PPP1R3F: variants seen among roughly 807,000 people sequenced by gnomAD.
PPP1R3F encodes protein phosphatase 1, regulatory (inhibitor) subunit 3F.
In PPP1R3F, 29 loss-of-function variants were observed where a neutral mutation model predicts 24.2. The observed-to-expected ratio is 1.20, with a 90% CI of 0.89 to 1.63. The LOEUF (loss-of-function observed/expected upper bound fraction) is 1.63, where lower values mean the gene tolerates loss of function less well. PPP1R3F is among the 40% of genes most tolerant of loss of function. The probability of loss-of-function intolerance (pLI) is 0.00; values close to 1 mark genes in which losing one functional copy is unlikely to be tolerated. For missense variants in PPP1R3F, 823 were observed against 729.3 expected (o/e 1.13, Z -1.48); for synonymous variants, 363 against 340.1 (o/e 1.07, Z -0.74).
chrX:49,286,191 G>A lies in PPP1R3F; in HGVS notation c.1501G>A (p.Ala501Thr). ...CCTGTCTCACCTGAGCCGCCTACGG[G>A]CTGCTGTGGCTGCGGGTGGGGCAGG... ...LYLSHLSRLR[A>T]AVAAGGAGGG... The change falls in exon 4 of 4, where the codon GCT becomes ACT. Residue 501 changes from alanine to threonine, a missense_variant. By Grantham distance (58) the Ala-to-Thr change is moderately conservative. Coordinates refer to ENST00000055335, the MANE Select transcript of PPP1R3F (RefSeq NM_033215.5). The A allele has an allele frequency of 8.3e-7, 1 of 1,202,879 alleles. No individual in the cohort carries two copies. Among genetic ancestry groups the A allele is most frequent in the Non-Finnish European group, 1.1e-6 (1 of 891,268 alleles).
chrX:49,295,558 AT>A (rs201183897), intron 3 of PPP1R3F, among the ~76,000 whole-genome samples: 2 of 107,206 alleles, frequency 1.9e-5, no homozygotes, highest in African/African-American at 3.4e-5. Context: ...TATGTTGAGG[AT>A]TTTTTTTTCA....
rs1415514852 is a variant in PPP1R3F at position 49,300,486 on chromosome X, T to TG, written c.393-865_393-864insG. Among the ~76,000 whole-genome samples, 9 of 30,554 alleles carry TG rather than the reference T, an allele frequency of 2.9e-4. No homozygotes were observed. The East Asian group carries it at 7.9e-3, about 27-fold the overall frequency. 26.5% of individuals were successfully genotyped at this position (30,554 alleles called of 115,157 possible). ...TCTTGCTATTGCTGCTGTTTTTTTT[T>TG]TTTTTTTTTTTTTTTTTTTTTAAGA... On this transcript the variant is annotated intron_variant, in intron 3 of 3. Transcript: ENST00000471261.
intron 1 of PPP1R3F, among the ~76,000 whole-genome samples, chrX:49,276,940 C>T (rs950606527): frequency 2.7e-5 from 3 of 112,493 alleles, no homozygotes; most frequent in South Asian, 3.7e-4. Context: ...GGAAAGTCAG[C>T]GTTATCTTCA....
At position 49,285,934 on chromosome X, in the gene PPP1R3F, T is replaced by C; in HGVS notation, c.1244T>C (p.Ile415Thr). The change falls in exon 4 of 4, where the codon ATC becomes ACC. Residue 415 changes from isoleucine to threonine, a missense_variant. Transcript: ENST00000055335. ...ACAGAGGTCCTCCAGGCACCGGCCATCAGGATTCCCCCCTCCTCCCCTCTC... is the reference window on the plus strand; with the variant it reads ...ACAGAGGTCCTCCAGGCACCGGCCACCAGGATTCCCCCCTCCTCCCCTCTC... ...AFTEVLQAPA[I>T]RIPPSSPLCG... 8.3e-7 allele frequency: 1 copy of C among 1,208,178 alleles called. No individual in the cohort carries two copies. Among genetic ancestry groups the C allele is most frequent in the Non-Finnish European group, 1.1e-6 (1 of 893,405 alleles).
chrX:49,282,443 CTGTGTGTGTGTG>C lies in PPP1R3F; in HGVS notation c.1143+420_1143+431del, dbSNP rs545507997. ...AGGAATAGGGAGTGGGTGAGAGACT[CTGTGTGTGTGTG>C]TGTGTGTGTGTGTGTGTGTGTGTGT... On this transcript the variant is annotated intron_variant, in intron 3 of 3. Coordinates refer to ENST00000055335, the MANE Select transcript of PPP1R3F (RefSeq NM_033215.5). Among the ~76,000 whole-genome samples the C allele has an allele frequency of 5.6e-3, 413 of 73,915 alleles. 2 individuals carry two copies. The highest frequency in any genetic ancestry group is 8.0e-3 in the Middle Eastern group (1 of 125). 64.2% of individuals were successfully genotyped at this position (73,915 alleles called of 115,157 possible). A position where few individuals can be genotyped will look rare whatever the true frequency, so the allele number is the denominator to read the frequency against.
chrX:49,297,397 G>A (rs1459230174), intron 3 of PPP1R3F, among the ~76,000 whole-genome samples: 1 of 109,218 alleles, frequency 9.2e-6, no homozygotes, highest in African/African-American at 3.3e-5. Flanking sequence ...TGTATTTTTA[G>A]TAGAGACGGG....
In PPP1R3F at chrX:49,286,188, C is replaced by T. The variant is rs782758028; in HGVS notation, c.1498C>T (p.Arg500Trp). 12 of 936,726 alleles carry T rather than the reference C, an allele frequency of 1.3e-5. No homozygotes were observed. Among genetic ancestry groups the T allele is most frequent in the South Asian group, 2.0e-5 (1 of 51,004 alleles). The allele number at this position is 936,726 out of a possible 1,213,427, so 77.2% of individuals were successfully genotyped here. ...CTACCTGTCTCACCTGAGCCGCCTA[C>T]GGGCTGCTGTGGCTGCGGGTGGGGC... Reference protein sequence around the residue: ...QLYLSHLSRLRAAVAAGGAGG... With the variant: ...QLYLSHLSRLWAAVAAGGAGG... Residue 500 changes from arginine to tryptophan, a missense_variant, in exon 4 of 4, where the codon CGG (arginine) becomes TGG (tryptophan). Physicochemically the swap from Arg to Trp is moderately radical, Grantham distance 101. Transcript: ENST00000055335.
chrX:49,276,589 C>G (rs2066214621), intron 1 of PPP1R3F, among the ~76,000 whole-genome samples: 1 of 112,712 alleles, frequency 8.9e-6, no homozygotes, highest in African/African-American at 3.2e-5. Flanking sequence ...ACTCGAAGAA[C>G]AACCATTTTT....
Position 49,286,400 on chromosome X carries a change from C to T in PPP1R3F, c.1710C>T (p.Thr570=), listed in dbSNP as rs782486681. ...LGRGVELIKD[T]EDPDDEGEGE... ...GTGGCGTGGAGCTCATCAAGGACAC[C>T]GAAGACCCTGATGATGAAGGGGAGG... is the stretch of plus-strand genomic sequence containing the variant. Residue 570 remains threonine, a synonymous_variant, in exon 4 of 4, where the codon ACC becomes ACT. Transcript: ENST00000055335. 2.8e-5 allele frequency: 33 copies of T among 1,189,992 alleles called. No individual in the cohort carries two copies. Among genetic ancestry groups the T allele is most frequent in the African/African-American group, 1.9e-4 (11 of 57,189 alleles).
chrX:49,289,349 C>T (rs1412232676), downstream of PPP1R3F, among the ~76,000 whole-genome samples: 1 of 111,303 alleles, frequency 9.0e-6, no homozygotes, highest in Non-Finnish European at 1.9e-5. Context: ...AGTGAAAACA[C>T]AAGTGAAAAA....
At chrX:49,281,911 G>A (rs909563221) in intron 2 of PPP1R3F, 70 bp from the exon 3 acceptor site, 62 of 858,273 alleles carry the variant, frequency 7.2e-5, no homozygotes, top group Non-Finnish European at 1.0e-4. Context: ...TAGGATGGCA[G>A]ATTTTCTTAA....
At chrX:49,290,918 C>T (rs1160394612), downstream of PPP1R3F, among the ~76,000 whole-genome samples, 3 of 111,959 alleles carry the variant, frequency 2.7e-5, no homozygotes, top group African/African-American at 9.7e-5. Flanking sequence ...CTTGCAATCA[C>T]TGTTATGCCC....
At chrX:49,297,677 C>G (rs2066327034) in intron 3 of PPP1R3F, among the ~76,000 whole-genome samples, 1 of 110,808 alleles carries the variant, frequency 9.0e-6, no homozygotes, top group Non-Finnish European at 1.9e-5. Flanking sequence ...TCTGGGTGCT[C>G]CTGTATTGGG....
intron 1 of PPP1R3F, among the ~76,000 whole-genome samples, chrX:49,280,217 A>G (rs1232762551): frequency 9.5e-6 from 1 of 105,159 alleles, no homozygotes; most frequent in Non-Finnish European, 2.0e-5. Flanking sequence ...TCTACCTGCC[A>G]TTTCTTAGAA....
rs781841633 is a variant in PPP1R3F at position 49,295,171 on chromosome X, CAG to C, written c.393-6177_393-6176del. 8.1e-5 allele frequency among the ~76,000 whole-genome samples: 9 copies of C among 110,873 alleles called. No individual in the cohort carries two copies. The East Asian group carries it at 2.2e-3, about 28-fold the overall frequency. ...TTTAATTTGTTTTACTTTTTTGAGA[CAG>C]AGTCTCTCTGTCACCAAGGCCGGAG... On this transcript the variant is annotated intron_variant, in intron 3 of 3. Coordinates refer to the PPP1R3F transcript ENST00000471261.
Position 49,270,758 on chromosome X carries a change from G to A in PPP1R3F, c.889G>A (p.Glu297Lys), listed in dbSNP as rs2066173719. 2.5e-6 allele frequency: 3 copies of A among 1,201,164 alleles called. No homozygotes were observed. Among genetic ancestry groups the A allele is most frequent in the Non-Finnish European group, 2.2e-6 (2 of 890,454 alleles). Residue 297 changes from glutamate (E) to lysine (K), a missense_variant, in exon 1 of 4, where the codon GAA (glutamate) becomes AAA (lysine). Transcript: ENST00000055335. Reference sequence around the variant, plus strand: ...ACCCGCTCCCACACCCACTGATGCCGAAGGGCTGCCCCAGCAGCAGCAGCT... The same window carrying A: ...ACCCGCTCCCACACCCACTGATGCCAAAGGGCTGCCCCAGCAGCAGCAGCT... ...IAPAPTPTDA[E>K]GLPQQQQLPQ...
chrX:49,297,109 G>C (rs1279761551), intron 3 of PPP1R3F, among the ~76,000 whole-genome samples: 1 of 110,997 alleles, frequency 9.0e-6, no homozygotes, highest in Non-Finnish European at 1.9e-5. Context: ...AATATTGCCA[G>C]TGAGGTGTTA....
intron 3 of PPP1R3F, among the ~76,000 whole-genome samples, chrX:49,299,857 C>T (rs2066332589): frequency 1.8e-5 from 2 of 111,717 alleles, no homozygotes; most frequent in South Asian, 3.7e-4. Flanking sequence ...AAACGCCCCT[C>T]CCCCCACCAA....
At chrX:49,273,875 G>C (rs1224172344) in intron 1 of PPP1R3F, 2 of 112,406 alleles carry the variant, frequency 1.8e-5, no homozygotes, top group Non-Finnish European at 3.8e-5. Context: ...TGCTTTCCCT[G>C]GGTTGCTGGA....
Sources: gnomAD v4.1 joint callset for allele counts (sites outside exome capture counted in the v4.1 genomes callset) on GRCh38, gnomAD v4.1.1 for gene constraint, MANE v1.5 for transcripts, NCBI Gene and HGNC (gene_info 2026-07-23, HGNC 2026-07-21) for gene names.